Variants in ABCB1 observed in about 807,000 individuals in gnomAD.
The protein encoded by ABCB1 is ATP-dependent translocase ABCB1.
In ABCB1, 69 loss-of-function variants were observed where a neutral mutation model predicts 142.0. That is an observed-to-expected ratio of 0.49 (90% CI 0.40 to 0.59). The LOEUF (loss-of-function observed/expected upper bound fraction) is 0.59. Ranked by LOEUF, ABCB1 falls within the 20% of genes least tolerant of loss-of-function variation. The pLI, the probability that ABCB1 is intolerant of heterozygous loss-of-function variation, is 0.00. For synonymous variants in ABCB1, 532 were observed against 539.2 expected (o/e 0.99, Z 0.18); for missense variants, 1,326 against 1,554.7 (o/e 0.85, Z 2.47).
At chr7:87,656,964 C>T (rs951985001) in intron 1 of ABCB1, among the ~76,000 whole-genome samples, 2 of 152,130 alleles carry the variant, frequency 1.3e-5, no homozygotes, top group African/African-American at 2.4e-5. Context: ...ACAAAAATCC[C>T]TGCCCTCATT....
intron 1 of ABCB1, among the ~76,000 whole-genome samples, chr7:87,629,899 G>T (rs1402525855): frequency 6.7e-6 from 1 of 149,544 alleles, no homozygotes; most frequent in Non-Finnish European, 1.5e-5. Flanking sequence ...CTCCAGCCGG[G>T]ACCACAGGGG....
At chr7:87,541,730 G>A (rs774595313) in intron 17 of ABCB1, among the ~76,000 whole-genome samples, 24 of 152,220 alleles carry the variant, frequency 1.6e-4, no homozygotes, top group Non-Finnish European at 2.6e-4. Flanking sequence ...CCTCAACTGT[G>A]TAAAGTTGAA....
intron 26 of ABCB1, 111 bp downstream of exon 26, chr7:87,509,164 T>G: frequency 2.8e-6 from 3 of 1,079,724 alleles, no homozygotes; most frequent in Non-Finnish European, 2.8e-6. Context: ...AAGGGTGTGA[T>G]TTGGTTGCTA....
intron 1 of ABCB1, among the ~76,000 whole-genome samples, chr7:87,670,028 G>A (rs180780661): frequency 1.1e-4 from 16 of 152,228 alleles, no homozygotes; most frequent in African/African-American, 2.4e-4. Context: ...GTACCTCGTT[G>A]GGGAAGTTTT....
At chr7:87,692,480 C>T (rs763768053) in intron 1 of ABCB1, among the ~76,000 whole-genome samples, 18 of 152,118 alleles carry the variant, frequency 1.2e-4, no homozygotes, top group Non-Finnish European at 2.2e-4. Flanking sequence ...CACAAAAACC[C>T]TATAAATTGA....
At chr7:87,521,737 A>G in intron 21 of ABCB1, 1 of 946,926 alleles carries the variant, frequency 1.1e-6, no homozygotes, top group Non-Finnish European at 1.7e-6. Flanking sequence ...AGCTGTCTCA[A>G]GAGAAGATTC....
intron 1 of ABCB1, among the ~76,000 whole-genome samples, chr7:87,702,297 G>A (rs551522997): frequency 7.3e-5 from 11 of 150,444 alleles, no homozygotes; most frequent in African/African-American, 2.4e-4. Flanking sequence ...TTATTTTTTA[G>A]GGACAGGGTC....
At chr7:87,631,551 C>T (rs1821223908) in intron 1 of ABCB1, among the ~76,000 whole-genome samples, 2 of 152,136 alleles carry the variant, frequency 1.3e-5, no homozygotes, top group Admixed American at 6.5e-5. Flanking sequence ...CCACCACGCC[C>T]GGCTAATTTT....
intron 2 of ABCB1, 31 bp downstream of exon 2, chr7:87,600,086 G>A: frequency 6.3e-7 from 1 of 1,578,562 alleles, no homozygotes; most frequent in East Asian, 2.2e-5. Context: ...TCGCAACTAT[G>A]TAAACTATGA....
At position 87,544,632 on chromosome 7, in the gene ABCB1, T is replaced by C. The variant is rs1210434719; in HGVS notation, c.2064+191A>G. Among the ~76,000 whole-genome samples the C allele has an allele frequency of 4.6e-5, 7 of 152,300 alleles. No individual in the cohort carries two copies. In the East Asian group the frequency reaches 1.3e-3, roughly 29 times the overall value. ...GTCTCTTTACACTATAAATTTTAATTCTAAAAATTCTGCTGTGTAAATTAA... is the reference window on the plus strand; with the variant it reads ...GTCTCTTTACACTATAAATTTTAATCCTAAAAATTCTGCTGTGTAAATTAA... On this transcript the variant is annotated intron_variant, in intron 16 of 27. Transcript: ENST00000622132.
At chr7:87,609,889 G>A (rs1819789426) in intron 1 of ABCB1, among the ~76,000 whole-genome samples, 1 of 152,042 alleles carries the variant, frequency 6.6e-6, no homozygotes, top group Non-Finnish European at 1.5e-5. Context: ...GCTATTACAA[G>A]TTGCACTTTG....
chr7:87,506,239 T>A (rs558728844), intron 26 of ABCB1, 196 bp from the exon 27 acceptor site: 5 of 591,382 alleles, frequency 8.5e-6, no homozygotes, highest in Non-Finnish European at 1.5e-5. Flanking sequence ...TGAAAATAAA[T>A]GTTTGGGCCT....
Position 87,576,410 on chromosome 7 carries a change from AGTGT to A in ABCB1, c.287-6191_287-6188del, listed in dbSNP as rs56405514. The stretch of plus-strand genomic sequence containing the variant: ...TACATATACACACACACTATATATA[AGTGT>A]GTGTGTAAGTATATATTATATATAA... On this transcript the variant is annotated intron_variant, in intron 4 of 27. Coordinates refer to ENST00000622132, the MANE Select transcript of ABCB1 (RefSeq NM_001348946.2). Among the ~76,000 whole-genome samples, 1,252 of 149,690 alleles carry A rather than the reference AGTGT, an allele frequency of 8.4e-3. 10 individuals are homozygous for A. The highest frequency in any genetic ancestry group is 0.021 in the Middle Eastern group (6 of 280).
rs41311775 is a variant in ABCB1, at chr7:87,550,195, C to T, written c.1326G>A (p.Arg442=). 6.2e-7 allele frequency: 1 copy of T among 1,614,184 alleles called. No individual in the cohort carries two copies. The highest frequency in any genetic ancestry group is 1.7e-5 in the Admixed American group (1 of 60,028). ...CCATCCCCTCTGTGGGGTCATAGAG[C>T]CTCTGCATCAGCTGGACTGTTGTGC... ...GKSTTVQLMQ[R]LYDPTEGMVS... Residue 442 remains arginine (R), a synonymous_variant, in exon 12 of 28, where the codon AGG becomes AGA. Coordinates refer to ENST00000622132, the MANE Select transcript of ABCB1 (RefSeq NM_001348946.2).
At chr7:87,530,334 C>A (rs527869336) in intron 21 of ABCB1, among the ~76,000 whole-genome samples, 25 of 152,306 alleles carry the variant, frequency 1.6e-4, no homozygotes, top group African/African-American at 6.0e-4. Flanking sequence ...ATCAGAGGAA[C>A]TCTTTGTTTT....
chr7:87,643,812 C>T (rs1822696827), intron 1 of ABCB1, among the ~76,000 whole-genome samples: 1 of 152,018 alleles, frequency 6.6e-6, no homozygotes, highest in African/African-American at 2.4e-5. Context: ...CAGGCGTGAG[C>T]CACCACGCCC....
chr7:87,580,431 C>T (rs1242065305), intron 4 of ABCB1, among the ~76,000 whole-genome samples: 1 of 152,226 alleles, frequency 6.6e-6, no homozygotes, highest in East Asian at 1.9e-4. Flanking sequence ...CATGTTGGAG[C>T]TCCTTTGTAT....
At chr7:87,706,240 TAA>T (rs1241041630) in intron 1 of ABCB1, among the ~76,000 whole-genome samples, 1 of 152,168 alleles carries the variant, frequency 6.6e-6, no homozygotes, top group Non-Finnish European at 1.5e-5. Flanking sequence ...TGGCCATGAT[TAA>T]AAGTCAGATA....
At chr7:87,674,482 C>T (rs1826128998) in intron 1 of ABCB1, among the ~76,000 whole-genome samples, 1 of 152,044 alleles carries the variant, frequency 6.6e-6, no homozygotes, top group South Asian at 2.1e-4. Flanking sequence ...TCTAGGGTGT[C>T]AGGGTGCACA....
Sources: allele counts gnomAD v4.1 joint callset (sites outside exome capture counted in the v4.1 genomes callset), GRCh38; gene constraint gnomAD v4.1.1; transcripts MANE v1.5; gene names NCBI Gene and HGNC (gene_info 2026-07-23, HGNC 2026-07-21).